MED13L: variants seen among roughly 807,000 people sequenced by gnomAD.
MED13L encodes the protein mediator of RNA polymerase II transcription subunit 13-like.
A neutral mutation model predicts 220.9 loss-of-function variants in MED13L; 7 were observed. That is an observed-to-expected ratio of 0.03 (90% CI 0.02 to 0.06). The LOEUF (loss-of-function observed/expected upper bound fraction) is 0.06. Ranked by LOEUF, MED13L falls within the 10% of genes least tolerant of loss-of-function variation. The probability of loss-of-function intolerance (pLI) is 1.00; values close to 1 mark genes in which losing one functional copy is unlikely to be tolerated. For synonymous variants in MED13L, 1,011 were observed against 1,015.2 expected (o/e 1.00, Z 0.08); for missense variants, 1,965 against 2,760.5 (o/e 0.71, Z 6.46).
At chr12:116,164,334 T>A (rs1025088256) in intron 2 of MED13L, among the ~76,000 whole-genome samples, 1 of 152,082 alleles carries the variant, frequency 6.6e-6, no homozygotes. Flanking sequence ...ACCCCACCTA[T>A]CAACAATTCA....
Position 115,991,627 on chromosome 12 carries a change from G to A in MED13L, c.3327C>T (p.Leu1109=), listed in dbSNP as rs947031478. 26 of 1,614,010 alleles carry A rather than the reference G, an allele frequency of 1.6e-5. No individual in the cohort carries two copies. The highest frequency in any genetic ancestry group is 2.0e-5 in the Non-Finnish European group (24 of 1,180,014). Residue 1109 remains leucine, a synonymous_variant, in exon 17 of 31, where the codon CTC becomes CTT. Coordinates refer to ENST00000281928, the MANE Select transcript of MED13L (RefSeq NM_015335.5). The surrounding 1 kb of genome is among the most constrained non-coding windows in gnomAD (Gnocchi z 7.7). ...TMQPIPEAHS[L]YVTLILSDSV... ...AATCGGAGAGAATCAGGGTAACATA[G>A]AGGCTGTGGGCTTCGGGAATTGGCT...
chr12:115,961,965 C>CA lies in MED13L; in HGVS notation c.6501-568dup, dbSNP rs1291814238. Among the ~76,000 whole-genome samples, 190 of 116,906 alleles carry CA rather than the reference C, an allele frequency of 1.6e-3. No homozygotes were observed. In the Middle Eastern group the frequency reaches 0.019, roughly 12 times the overall value. The allele number at this position is 116,906 out of a possible 152,430, so 76.7% of individuals were successfully genotyped here. On this transcript the variant is annotated intron_variant, in intron 30 of 30. Transcript: ENST00000281928. The stretch of plus-strand genomic sequence containing the variant: ...GGGTGACAGAGCAGGACTCCGTCTC[C>CA]AAAAAAAAAAGAAAAAGAAAACGAA...
chr12:116,120,329 C>T (rs1470222781), intron 2 of MED13L, among the ~76,000 whole-genome samples: 1 of 152,028 alleles, frequency 6.6e-6, no homozygotes, highest in Non-Finnish European at 1.5e-5. Context: ...GTTAAATTTT[C>T]CTTTGGTTCC....
chr12:116,191,718 C>T (rs1207641728), intron 2 of MED13L, among the ~76,000 whole-genome samples: 2 of 152,042 alleles, frequency 1.3e-5, no homozygotes, highest in Admixed American at 6.6e-5. Flanking sequence ...CGGTGGCTCA[C>T]ATCTATAATC....
At chr12:116,159,572 C>T (rs1373287736) in intron 2 of MED13L, among the ~76,000 whole-genome samples, 1 of 152,124 alleles carries the variant, frequency 6.6e-6, no homozygotes, top group Non-Finnish European at 1.5e-5. Flanking sequence ...TATATACTTT[C>T]AACTTACATT....
chr12:116,152,466 G>A (rs1878110152), intron 2 of MED13L, among the ~76,000 whole-genome samples: 1 of 152,104 alleles, frequency 6.6e-6, no homozygotes, highest in South Asian at 2.1e-4. Flanking sequence ...TGTCTACCAT[G>A]CAAAGAATGC....
chr12:116,264,695 T>C (rs1010207764), intron 1 of MED13L, among the ~76,000 whole-genome samples: 6 of 152,190 alleles, frequency 3.9e-5, no homozygotes, highest in Non-Finnish European at 8.8e-5. Flanking sequence ...TTTTATCAAC[T>C]TTCCTTGTAT....
At position 115,975,308 on chromosome 12, in the gene MED13L, C is replaced by T. The variant is rs759211676; in HGVS notation, c.5594G>A (p.Arg1865Gln). Reference sequence around the variant, plus strand: ...TTTACGTGCAGATACTTTACTCCTCCGTGACCTAACAAATAAAGAAATGGG... The same window carrying T: ...TTTACGTGCAGATACTTTACTCCTCTGTGACCTAACAAATAAAGAAATGGG... Reference protein sequence around the residue: ...VVNIALPNRSRRSKVSARKIG... With the variant: ...VVNIALPNRSQRSKVSARKIG... The change falls in exon 25 of 31, where the codon CGG becomes CAG. Residue 1865 changes from arginine (R) to glutamine (Q), a missense_variant. Transcript: ENST00000281928. 1.4e-5 allele frequency: 23 copies of T among 1,613,934 alleles called. No homozygotes were observed. The highest frequency in any genetic ancestry group is 1.6e-4 in the Middle Eastern group (1 of 6,084).
In MED13L at chr12:115,982,399, A is replaced by G. The variant is rs2137270716; in HGVS notation, c.5160T>C (p.Asn1720=). The part of the protein sequence containing the change: ...MLDNLPEHMR[N]SFILQIVPCQ... Reference sequence around the variant, plus strand: ...AAACAGTAACCTGGAGAATGAAAGAATTTCTCATATGCTCAGGTAAATTAT... The same window carrying G: ...AAACAGTAACCTGGAGAATGAAAGAGTTTCTCATATGCTCAGGTAAATTAT... Residue 1720 remains asparagine, a synonymous_variant, in exon 22 of 31, where the codon AAT becomes AAC. Transcript: ENST00000281928. 1 of 1,613,140 alleles carries G rather than the reference A, an allele frequency of 6.2e-7. No homozygotes were observed. The highest frequency in any genetic ancestry group is 8.5e-7 in the Non-Finnish European group (1 of 1,179,032).
At chr12:116,129,242 C>T (rs1405490682) in intron 2 of MED13L, among the ~76,000 whole-genome samples, 1 of 151,618 alleles carries the variant, frequency 6.6e-6, no homozygotes, top group Admixed American at 6.6e-5. Flanking sequence ...TGAGGATAAC[C>T]CAAATATTAT....
chr12:115,964,516 T>C (rs938933068), intron 29 of MED13L, among the ~76,000 whole-genome samples: 13 of 152,238 alleles, frequency 8.5e-5, no homozygotes, highest in Middle Eastern at 3.2e-3. Flanking sequence ...AGGCAACATA[T>C]AAATGCTTCT....
intron 23 of MED13L, among the ~76,000 whole-genome samples, chr12:115,978,439 G>A (rs573564973): frequency 4.7e-5 from 7 of 149,352 alleles, no homozygotes; most frequent in South Asian, 4.2e-4. Context: ...CAATTCTCCC[G>A]CCTCAGCTTC....
intron 2 of MED13L, among the ~76,000 whole-genome samples, chr12:116,114,735 G>C (rs968985512): frequency 6.6e-6 from 1 of 151,928 alleles, no homozygotes; most frequent in African/African-American, 2.4e-5. Context: ...AAATCTACTA[G>C]AACTAAAACT....
At chr12:116,256,899 T>C (rs1018140985) in intron 1 of MED13L, among the ~76,000 whole-genome samples, 3 of 152,128 alleles carry the variant, frequency 2.0e-5, no homozygotes, top group Non-Finnish European at 2.9e-5. Flanking sequence ...TTGGCCAAGA[T>C]GGCCCCAATC....
intron 4 of MED13L, among the ~76,000 whole-genome samples, chr12:116,061,987 G>T (rs1869528903): frequency 8.1e-6 from 1 of 123,664 alleles, no homozygotes; most frequent in Non-Finnish European, 1.6e-5. Context: ...CAGCCTGGGA[G>T]ACAGAGCAAG....
intron 9 of MED13L, among the ~76,000 whole-genome samples, chr12:116,009,433 A>T (rs953063111): frequency 6.6e-6 from 1 of 152,148 alleles, no homozygotes; most frequent in African/African-American, 2.4e-5. Flanking sequence ...GGCCTCAGAT[A>T]ACCTATTCAT....
chr12:116,246,720 AG>A lies in MED13L; in HGVS notation c.73-9016del, dbSNP rs1052793128. On this transcript the variant is annotated intron_variant, in intron 1 of 30. Transcript: ENST00000281928. ...CAGCTACTCAGGAGGCTCAAGCAGAAGGATCACCTGAGCTAAGGAGTTAGAG... is the reference window on the plus strand; with the variant it reads ...CAGCTACTCAGGAGGCTCAAGCAGAAGATCACCTGAGCTAAGGAGTTAGAG... Among the ~76,000 whole-genome samples, 7 of 125,272 alleles carry A rather than the reference AG, an allele frequency of 5.6e-5. No individual in the cohort carries two copies. The Admixed American group carries it at 5.9e-4, about 11-fold the overall frequency. The allele number at this position is 125,272 out of a possible 152,430, so 82.2% of individuals were successfully genotyped here.
At chr12:116,186,498 A>C (rs1761477088) in intron 2 of MED13L, among the ~76,000 whole-genome samples, 1 of 152,128 alleles carries the variant, frequency 6.6e-6, no homozygotes, top group Admixed American at 6.5e-5. Flanking sequence ...ATTTATTTAG[A>C]TCCAGTAAGT....
At position 116,003,077 on chromosome 12, in the gene MED13L, G is replaced by A; in HGVS notation, c.2495C>T (p.Ser832Leu). Residue 832 changes from serine (S) to leucine (L), a missense_variant, in exon 14 of 31, where the codon TCA becomes TTA. Transcript: ENST00000281928. ...LGAVSPALRSSKMPAVGTEDR... is the reference protein window; with the variant it reads ...LGAVSPALRSLKMPAVGTEDR... The stretch of plus-strand genomic sequence containing the variant: ...TTCTGTCCCAACTGCAGGCATTTTT[G>A]ATGAGCGCAGAGCAGGTGATACAGC... The A allele has an allele frequency of 6.2e-7, 1 of 1,614,106 alleles. No homozygotes were observed. Among genetic ancestry groups the A allele is most frequent in the Non-Finnish European group, 8.5e-7 (1 of 1,179,970 alleles).
Sources: allele counts gnomAD v4.1 joint callset (sites outside exome capture counted in the v4.1 genomes callset), GRCh38; gene constraint gnomAD v4.1.1; non-coding constraint Gnocchi (gnomAD v3.1); transcripts MANE v1.5; gene names NCBI Gene and HGNC (gene_info 2026-07-23, HGNC 2026-07-21).